Variants in DGKI observed in about 807,000 individuals in gnomAD.
The protein encoded by DGKI is diacylglycerol kinase iota.
A neutral mutation model predicts 147.5 loss-of-function variants in DGKI; 55 were observed. That is an observed-to-expected ratio of 0.37 (90% CI 0.30 to 0.47). The LOEUF is 0.47. Ranked by LOEUF, DGKI falls within the 20% of genes least tolerant of loss-of-function variation. DGKI has a pLI of 1.00. For synonymous variants in DGKI, 469 were observed against 477.1 expected, an observed-to-expected ratio of 0.98 and a Z score of 0.22; for missense variants, 1,007 against 1,323.8, an observed-to-expected ratio of 0.76 and a Z score of 3.71.
intron 20 of DGKI, among the ~76,000 whole-genome samples, chr7:137,551,808 G>T (rs910946289): frequency 6.6e-6 from 1 of 152,176 alleles, no homozygotes; most frequent in Admixed American, 6.5e-5. Context: ...TGGACAATAG[G>T]ATGCTGCCCA....
chr7:137,415,924 A>G (rs551003483), intron 28 of DGKI, among the ~76,000 whole-genome samples: 2 of 152,280 alleles, frequency 1.3e-5, no homozygotes, highest in Non-Finnish European at 2.9e-5. Context: ...TGGGAGGCAG[A>G]GGTTGCAGTG....
chr7:137,397,662 A>G (rs751039839), intron 30 of DGKI, among the ~76,000 whole-genome samples: 18 of 152,252 alleles, frequency 1.2e-4, no homozygotes, highest in Admixed American at 6.5e-4. Context: ...GCAGCTTTCG[A>G]TCAAGTTTAT....
At chr7:137,844,785 AG>A (rs1373251913) in intron 1 of DGKI, among the ~76,000 whole-genome samples, 11 of 152,324 alleles carry the variant, frequency 7.2e-5, no homozygotes, top group Admixed American at 7.2e-4. Flanking sequence ...ACAAGAGGCA[AG>A]CTGAAATGAT....
At chr7:137,781,144 T>G (rs1796505752) in intron 1 of DGKI, among the ~76,000 whole-genome samples, 3 of 152,154 alleles carry the variant, frequency 2.0e-5, no homozygotes, top group African/African-American at 7.2e-5. Context: ...GTGTCTTCCA[T>G]GAACAAGGTG....
chr7:137,620,019 G>GCGCACACA lies in DGKI; in HGVS notation c.877-80_877-79insTGTGTGCG, dbSNP rs369086131. ...CAAGAAGGGATAAATATGTACACAC[G>GCGCACACA]CACACACACACACACACACACACAC... On this transcript the variant is annotated intron_variant, in intron 7 of 32. Coordinates refer to ENST00000614521, the MANE Select transcript of DGKI (RefSeq NM_001321708.2). 16 of 502,558 alleles carry GCGCACACA rather than the reference G, an allele frequency of 3.2e-5. No individual in the cohort carries two copies. In the East Asian group the frequency reaches 5.2e-4, roughly 16 times the overall value. The allele number at this position is 502,558 out of a possible 1,614,324, so 31.1% of individuals were successfully genotyped here.
chr7:137,537,225 G>A (rs185682798), intron 20 of DGKI, among the ~76,000 whole-genome samples: 3 of 152,262 alleles, frequency 2.0e-5, no homozygotes, highest in Non-Finnish European at 4.4e-5. Flanking sequence ...GATGGGCAAA[G>A]TTTAGCATCT....
intron 27 of DGKI, among the ~76,000 whole-genome samples, chr7:137,445,555 G>A (rs1813682445): frequency 6.6e-6 from 1 of 152,134 alleles, no homozygotes; most frequent in Admixed American, 6.5e-5. Flanking sequence ...TCACTGGGTT[G>A]TAACCCCCTT....
intron 29 of DGKI, among the ~76,000 whole-genome samples, chr7:137,408,980 C>T (rs906777291): frequency 6.6e-6 from 1 of 152,204 alleles, no homozygotes; most frequent in African/African-American, 2.4e-5. Flanking sequence ...GATAATCAAA[C>T]ATCCCATAAG....
intron 10 of DGKI, among the ~76,000 whole-genome samples, chr7:137,600,173 G>A (rs1326898929): frequency 6.6e-6 from 1 of 151,372 alleles, no homozygotes; most frequent in Non-Finnish European, 1.5e-5. Flanking sequence ...AGTCCCAGCT[G>A]AGGAGGCGGA....
At chr7:137,587,015 C>G (rs540660301) in intron 13 of DGKI, 82 bp downstream of exon 13, 31 of 1,013,702 alleles carry the variant, frequency 3.1e-5, no homozygotes, top group Admixed American at 1.6e-4. Flanking sequence ...AGCAGTACCC[C>G]CCTCTTCCAT....
intron 10 of DGKI, among the ~76,000 whole-genome samples, chr7:137,603,486 C>A (rs1449722906): frequency 6.6e-6 from 1 of 152,160 alleles, no homozygotes; most frequent in African/African-American, 2.4e-5. Flanking sequence ...AAATAGAATG[C>A]CTCATTTATT....
chr7:137,737,245 G>A (rs117784882), intron 1 of DGKI, among the ~76,000 whole-genome samples: 2,614 of 134,364 alleles, frequency 0.019, 116 homozygotes, highest in Admixed American at 0.1. Flanking sequence ...AATTTTCAAA[G>A]CAGAAACATG....
chr7:137,577,510 A>G (rs1448568262), intron 16 of DGKI, among the ~76,000 whole-genome samples: 1 of 152,188 alleles, frequency 6.6e-6, no homozygotes, highest in Non-Finnish European at 1.5e-5. Flanking sequence ...AAGAACACAG[A>G]ATGAGAGTGA....
chr7:137,527,011 A>G (rs1212104326), intron 20 of DGKI, among the ~76,000 whole-genome samples: 1 of 152,186 alleles, frequency 6.6e-6, no homozygotes, highest in African/African-American at 2.4e-5. Context: ...CATGAATTAT[A>G]TAGGAGTGAT....
At chr7:137,618,221 C>T (rs1392046878) in intron 8 of DGKI, among the ~76,000 whole-genome samples, 14 of 131,356 alleles carry the variant, frequency 1.1e-4, no homozygotes, top group Non-Finnish European at 2.1e-4. Flanking sequence ...ATAAAGTTCA[C>T]GGTTATTAAA....
intron 2 of DGKI, among the ~76,000 whole-genome samples, chr7:137,680,792 G>GA (rs909302879): frequency 1.1e-4 from 15 of 142,398 alleles, no homozygotes; most frequent in African/African-American, 1.5e-4. Flanking sequence ...AAAGAAAAGA[G>GA]AAAAAAAAAA....
At chr7:137,495,502 CAAAAAAAA>C (rs34551145) in intron 21 of DGKI, among the ~76,000 whole-genome samples, 150 of 57,390 alleles carry the variant, frequency 2.6e-3, no homozygotes, top group African/African-American at 7.4e-3. Context: ...CTGGCAGAGA[CAAAAAAAA>C]AAAAAAAAAA....
At chr7:137,532,538 G>A (rs1817376085) in intron 20 of DGKI, among the ~76,000 whole-genome samples, 1 of 152,118 alleles carries the variant, frequency 6.6e-6, no homozygotes, top group Admixed American at 6.6e-5. Context: ...TCAATCCTCA[G>A]TGGGGAGCTA....
intron 1 of DGKI, among the ~76,000 whole-genome samples, chr7:137,783,395 G>A (rs1215845676): frequency 6.6e-6 from 1 of 152,078 alleles, no homozygotes; most frequent in African/African-American, 2.4e-5. Context: ...TCAAAGACAA[G>A]GCTTTCAAAT....
Sources: allele counts gnomAD v4.1 joint callset (sites outside exome capture counted in the v4.1 genomes callset), GRCh38; gene constraint gnomAD v4.1.1; transcripts MANE v1.5; gene names NCBI Gene and HGNC (gene_info 2026-07-23, HGNC 2026-07-21).